The following PACRG variants were observed in gnomAD, a reference collection of about 807,000 sequenced individuals.
PACRG encodes parkin coregulated gene protein.
Under a neutral mutation model 29.7 loss-of-function variants are expected in PACRG, and 29 were observed. That is an observed-to-expected ratio of 0.98 (90% CI 0.73 to 1.33). The LOEUF is 1.33. Ranked by LOEUF, PACRG falls within the 40% of genes most tolerant of loss-of-function variation. The pLI, the probability that PACRG is intolerant of heterozygous loss-of-function variation, is 0.00. For missense variants in PACRG, 279 were observed against 316.2 expected, an observed-to-expected ratio of 0.88 and a Z score of 0.89; for synonymous variants, 116 against 118.7, an observed-to-expected ratio of 0.98 and a Z score of 0.15.
chr6:163,107,246 A>G (rs1447229262), intron 4 of PACRG, among the ~76,000 whole-genome samples: 3 of 152,184 alleles, frequency 2.0e-5, no homozygotes. Flanking sequence ...AAAGAGAAAG[A>G]TGTTGAAGAT....
intron 4 of PACRG, among the ~76,000 whole-genome samples, chr6:163,294,087 A>G (rs1252654186): frequency 6.6e-6 from 1 of 152,192 alleles, no homozygotes; most frequent in African/African-American, 2.4e-5. Flanking sequence ...GAAACAGAAG[A>G]TATTTTAATG....
At chr6:162,947,535 CATATATAATCATAT>C (rs1345201062) in intron 2 of PACRG, among the ~76,000 whole-genome samples, 5 of 101,920 alleles carry the variant, frequency 4.9e-5, no homozygotes, top group African/African-American at 1.3e-4. Context: ...TATATATACT[CATATATAATCATAT>C]ATATATAATC....
intron 4 of PACRG, among the ~76,000 whole-genome samples, chr6:163,097,623 A>G (rs1365644336): frequency 6.6e-6 from 1 of 152,194 alleles, no homozygotes; most frequent in African/African-American, 2.4e-5. Flanking sequence ...TAAGACATCA[A>G]TCGATATGTG....
At chr6:163,072,550 C>T (rs1025541226) in intron 3 of PACRG, among the ~76,000 whole-genome samples, 6 of 152,170 alleles carry the variant, frequency 3.9e-5, no homozygotes, top group Middle Eastern at 3.4e-3. Flanking sequence ...ATCAGGAACA[C>T]GACAGAGCGC....
At chr6:162,771,731 A>T (rs1425473904) in intron 1 of PACRG, among the ~76,000 whole-genome samples, 1 of 152,166 alleles carries the variant, frequency 6.6e-6, no homozygotes, top group African/African-American at 2.4e-5. Context: ...AAAATAGAGT[A>T]ATTTTCTTTG....
chr6:163,136,645 A>T (rs1273907327), intron 4 of PACRG, among the ~76,000 whole-genome samples: 1 of 152,128 alleles, frequency 6.6e-6, no homozygotes, highest in African/African-American at 2.4e-5. Flanking sequence ...CAGTCCTTAG[A>T]TTTCCTCTGT....
chr6:163,034,696 C>G (rs2128231072), intron 2 of PACRG, among the ~76,000 whole-genome samples: 1 of 152,194 alleles, frequency 6.6e-6, no homozygotes, highest in South Asian at 2.1e-4. Flanking sequence ...CCATGTTCAC[C>G]AGAAAGATGT....
intron 1 of PACRG, among the ~76,000 whole-genome samples, chr6:162,796,539 C>G (rs1049224402): frequency 2.0e-5 from 3 of 151,842 alleles, no homozygotes; most frequent in Non-Finnish European, 4.4e-5. Context: ...TATTAATTCC[C>G]TAATATGACT....
At chr6:163,022,060 G>C (rs868806071) in intron 2 of PACRG, among the ~76,000 whole-genome samples, 2 of 152,130 alleles carry the variant, frequency 1.3e-5, no homozygotes, top group South Asian at 2.1e-4. Flanking sequence ...AGTGGTCTTC[G>C]GCCACACACA....
At chr6:163,183,825 A>G (rs1335312775) in intron 4 of PACRG, among the ~76,000 whole-genome samples, 1 of 152,214 alleles carries the variant, frequency 6.6e-6, no homozygotes, top group Non-Finnish European at 1.5e-5. Flanking sequence ...AACTGTAACG[A>G]AACTGTAGGT....
At chr6:163,091,733 A>G (rs931265478) in intron 4 of PACRG, among the ~76,000 whole-genome samples, 1 of 152,002 alleles carries the variant, frequency 6.6e-6, no homozygotes, top group Non-Finnish European at 1.5e-5. Context: ...ATTCTTTCAG[A>G]AAAAAAAGCT....
At position 163,269,970 on chromosome 6, in the gene PACRG, AGAAAGAAAGAAAGAAAGAAAGAAAG is replaced by A. The variant is rs1783750460; in HGVS notation, c.614-44856_614-44832del. ...AAGAAAGAAAGAAAGAAAGAAAGAA[AGAAAGAAAGAAAGAAAGAAAGAAAG>A]AAAGAAAGAAAGGAGGGAGGGAGGG... On this transcript the variant is annotated intron_variant, in intron 4 of 4. Transcript: ENST00000366888. 2.1e-5 allele frequency among the ~76,000 whole-genome samples: 2 copies of A among 96,402 alleles called. 1 individual carries two copies. Among genetic ancestry groups the A allele is most frequent in the Non-Finnish European group, 4.5e-5 (2 of 44,264 alleles). The allele number at this position is 96,402 out of a possible 152,430, so 63.2% of individuals were successfully genotyped here.
chr6:163,083,852 T>C (rs1813297844), intron 3 of PACRG, among the ~76,000 whole-genome samples: 1 of 152,186 alleles, frequency 6.6e-6, no homozygotes, highest in Admixed American at 6.5e-5. Flanking sequence ...TTTCCTTTTT[T>C]CCTGATACCA....
chr6:163,068,984 T>C (rs1811801454), intron 3 of PACRG, among the ~76,000 whole-genome samples: 1 of 152,132 alleles, frequency 6.6e-6, no homozygotes, highest in South Asian at 2.1e-4. Context: ...CAGACTTTCT[T>C]TATCCTGCTT....
At chr6:163,207,973 C>T (rs1780976537) in intron 4 of PACRG, among the ~76,000 whole-genome samples, 3 of 152,158 alleles carry the variant, frequency 2.0e-5, no homozygotes, top group Admixed American at 6.5e-5. Context: ...GGGACTTGGG[C>T]AGCAAAGCTG....
chr6:162,937,406 C>G (rs146302232), intron 2 of PACRG, among the ~76,000 whole-genome samples: 15 of 152,040 alleles, frequency 9.9e-5, no homozygotes, highest in Non-Finnish European at 1.6e-4. Flanking sequence ...AGAACAAAAC[C>G]TGTGGGATCC....
At chr6:163,276,992 C>G (rs1243614091) in intron 4 of PACRG, among the ~76,000 whole-genome samples, 1 of 152,216 alleles carries the variant, frequency 6.6e-6, no homozygotes, top group East Asian at 1.9e-4. Flanking sequence ...CATATTCGTT[C>G]TGTTTCAGTG....
intron 2 of PACRG, among the ~76,000 whole-genome samples, chr6:162,893,038 C>T (rs533924510): frequency 2.1e-3 from 315 of 151,714 alleles, no homozygotes; most frequent in African/African-American, 7.0e-3. Flanking sequence ...CGGAGAACCA[C>T]GTCAGCCTCA....
intron 2 of PACRG, among the ~76,000 whole-genome samples, chr6:162,891,301 A>G (rs1794739049): frequency 6.6e-6 from 1 of 152,206 alleles, no homozygotes; most frequent in African/African-American, 2.4e-5. Context: ...GATCTTGAGA[A>G]GGGGAAGTTG....
Sources: allele counts gnomAD v4.1 joint callset (sites outside exome capture counted in the v4.1 genomes callset), GRCh38; gene constraint gnomAD v4.1.1; transcripts MANE v1.5; gene names NCBI Gene and HGNC (gene_info 2026-07-23, HGNC 2026-07-21).